TNS3: variants seen among roughly 807,000 people sequenced by gnomAD.
TNS3 encodes the protein tensin-3.
TNS3 carries 45 observed loss-of-function variants against 140.9 expected under a neutral mutation model. The observed-to-expected ratio is 0.32, with a 90% CI of 0.25 to 0.41. The LOEUF (loss-of-function observed/expected upper bound fraction) is 0.41. TNS3 is among the 10% of genes least tolerant of loss of function. The probability of loss-of-function intolerance (pLI) is 1.00; values close to 1 mark genes in which losing one functional copy is unlikely to be tolerated. For missense variants in TNS3, 1,716 were observed against 1,906.7 expected (o/e 0.90, Z 1.86); for synonymous variants, 815 against 788.4 (o/e 1.03, Z -0.56).
chr7:47,502,319 G>A (rs1197164686), intron 3 of TNS3, among the ~76,000 whole-genome samples: 1 of 152,206 alleles, frequency 6.6e-6, no homozygotes, highest in Non-Finnish European at 1.5e-5. Context: ...GTGATCTGAA[G>A]ATGAAAGTTA....
chr7:47,314,700 C>T (rs559247563), intron 20 of TNS3, among the ~76,000 whole-genome samples: 18 of 152,136 alleles, frequency 1.2e-4, no homozygotes, highest in Non-Finnish European at 2.1e-4. Flanking sequence ...TGTTGTGGGG[C>T]GATCAGGTGC....
At chr7:47,568,801 AC>A (rs1200508061) in intron 1 of TNS3, among the ~76,000 whole-genome samples, 1 of 152,226 alleles carries the variant, frequency 6.6e-6, no homozygotes, top group Non-Finnish European at 1.5e-5. Context: ...CATGTGTTTT[AC>A]CCAGGGCCAA....
chr7:47,301,428 C>G (rs906992251), intron 23 of TNS3, among the ~76,000 whole-genome samples: 1 of 152,068 alleles, frequency 6.6e-6, no homozygotes, highest in African/African-American at 2.4e-5. Flanking sequence ...GACACAGCAT[C>G]CAGGGAGAAA....
intron 1 of TNS3, among the ~76,000 whole-genome samples, chr7:47,532,299 T>A (rs1584822763): frequency 6.6e-6 from 1 of 152,278 alleles, no homozygotes; most frequent in Non-Finnish European, 1.5e-5. Context: ...TCCCACAGAC[T>A]GGAGTGGGGA....
chr7:47,566,727 A>C (rs757246892), intron 1 of TNS3, among the ~76,000 whole-genome samples: 6 of 152,202 alleles, frequency 3.9e-5, no homozygotes, highest in Non-Finnish European at 4.4e-5. Context: ...TTAGCGGGCC[A>C]ACAGCAGGAC....
intron 20 of TNS3, among the ~76,000 whole-genome samples, chr7:47,339,943 C>G (rs942382679): frequency 3.8e-4 from 45 of 118,050 alleles, no homozygotes; most frequent in African/African-American, 1.3e-3. Flanking sequence ...TTTTTTTGAG[C>G]TATTATAAGT....
At chr7:47,322,057 A>G (rs2150850266) in intron 20 of TNS3, among the ~76,000 whole-genome samples, 1 of 152,262 alleles carries the variant, frequency 6.6e-6, no homozygotes, top group East Asian at 1.9e-4. Context: ...TAAAGGCTAA[A>G]GAACTGTAAA....
At position 47,294,070 on chromosome 7, in the gene TNS3, T is replaced by C. The variant is rs146201326; in HGVS notation, c.3677-242A>G. ...AGGGCGGGAACCCTTGCAATGACAGTGTGGGGGCTGGAGAGGTCCCTTGGG... is the reference window on the plus strand; with the variant it reads ...AGGGCGGGAACCCTTGCAATGACAGCGTGGGGGCTGGAGAGGTCCCTTGGG... On this transcript the variant is annotated intron_variant, in intron 24 of 30. Coordinates refer to ENST00000311160, the MANE Select transcript of TNS3 (RefSeq NM_022748.12). 5.9e-3 allele frequency among the ~76,000 whole-genome samples: 904 copies of C among 152,170 alleles called. 11 individuals are homozygous for C. Among genetic ancestry groups the C allele is most frequent in the African/African-American group, 0.021 (859 of 41,508 alleles).
chr7:47,355,654 C>T (rs1789951931), intron 17 of TNS3, among the ~76,000 whole-genome samples: 1 of 152,198 alleles, frequency 6.6e-6, no homozygotes, highest in Non-Finnish European at 1.5e-5. Context: ...AAAACACCCA[C>T]AAAGCTCTTC....
At chr7:47,419,892 C>T (rs1028755016) in intron 10 of TNS3, among the ~76,000 whole-genome samples, 1 of 152,126 alleles carries the variant, frequency 6.6e-6, no homozygotes, top group African/African-American at 2.4e-5. Flanking sequence ...CCCCTTCTCC[C>T]CAAAATATCT....
At chr7:47,354,153 C>T (rs2151047311) in intron 17 of TNS3, among the ~76,000 whole-genome samples, 1 of 152,222 alleles carries the variant, frequency 6.6e-6, no homozygotes, top group East Asian at 1.9e-4. Context: ...TACTACAAAA[C>T]TGTCCATGCC....
At chr7:47,320,149 C>T (rs993217472) in intron 20 of TNS3, among the ~76,000 whole-genome samples, 7 of 152,270 alleles carry the variant, frequency 4.6e-5, no homozygotes, top group East Asian at 3.9e-4. Flanking sequence ...ACTATCTGCG[C>T]GGTGCTCAGT....
chr7:47,325,941 T>C (rs538339944), intron 20 of TNS3, among the ~76,000 whole-genome samples: 2 of 152,286 alleles, frequency 1.3e-5, no homozygotes, highest in African/African-American at 4.8e-5. Flanking sequence ...TGATGCATGG[T>C]CCTGGCTGCA....
chr7:47,574,158 A>C (rs997157652), intron 1 of TNS3, among the ~76,000 whole-genome samples: 1 of 152,176 alleles, frequency 6.6e-6, no homozygotes, highest in Non-Finnish European at 1.5e-5. Context: ...CCCAGACTGA[A>C]CCATTTATCC....
At position 47,451,049 on chromosome 7, in the gene TNS3, G is replaced by A. The variant is rs145459900; in HGVS notation, c.-75-8994C>T. 7.4e-3 allele frequency among the ~76,000 whole-genome samples: 1,120 copies of A among 152,330 alleles called. 19 individuals carry two copies. Among genetic ancestry groups the A allele is most frequent in the African/African-American group, 0.025 (1,045 of 41,572 alleles). ...CTTGGGTGACTGAGGCAGGAGGATTGTTTGAACCCAGGAGGTGGAGGTTGC... is the reference window on the plus strand; with the variant it reads ...CTTGGGTGACTGAGGCAGGAGGATTATTTGAACCCAGGAGGTGGAGGTTGC... On this transcript the variant is annotated intron_variant, in intron 4 of 30. Transcript: ENST00000311160.
At chr7:47,380,776 A>G (rs551031224) in intron 16 of TNS3, among the ~76,000 whole-genome samples, 78 of 152,054 alleles carry the variant, frequency 5.1e-4, no homozygotes, top group African/African-American at 1.8e-3. Context: ...GCGCGCACAC[A>G]CACACACACA....
intron 1 of TNS3, among the ~76,000 whole-genome samples, chr7:47,550,068 ACT>A (rs1800023252): frequency 6.7e-6 from 1 of 148,982 alleles, no homozygotes; most frequent in Admixed American, 6.7e-5. Flanking sequence ...CAAATGCAAC[ACT>A]GAGGTCTCCC....
chr7:47,525,317 G>A (rs767964582), intron 2 of TNS3, among the ~76,000 whole-genome samples: 14 of 152,182 alleles, frequency 9.2e-5, no homozygotes, highest in East Asian at 7.7e-4. Context: ...GATGGGCCAC[G>A]GGGCCACCAC....
At chr7:47,302,340 G>A in intron 22 of TNS3, 68 bp from the exon 23 acceptor site, 2 of 1,300,182 alleles carry the variant, frequency 1.5e-6, no homozygotes, top group African/African-American at 1.5e-5. Context: ...CTCATCTGCT[G>A]TGATCCCAGA....
Sources: allele counts gnomAD v4.1 joint callset (sites outside exome capture counted in the v4.1 genomes callset), GRCh38; gene constraint gnomAD v4.1.1; transcripts MANE v1.5; gene names NCBI Gene and HGNC (gene_info 2026-07-23, HGNC 2026-07-21).